Variants in PCSK6 observed in about 807,000 individuals in gnomAD.
PCSK6 encodes the protein paired basic amino acid cleaving enzyme 4.
Under a neutral mutation model 123.3 loss-of-function variants are expected in PCSK6, and 85 were observed. The observed-to-expected ratio is 0.69, with a 90% CI of 0.58 to 0.83. PCSK6 has a LOEUF of 0.83. PCSK6 is among the 40% of genes least tolerant of loss of function. The pLI is 0.00. For synonymous variants in PCSK6, 508 were observed against 516.0 expected, an observed-to-expected ratio of 0.98 and a Z score of 0.21; for missense variants, 1,191 against 1,282.3, an observed-to-expected ratio of 0.93 and a Z score of 1.09.
At chr15:101,454,384 G>A (rs1381523351) in intron 1 of PCSK6, among the ~76,000 whole-genome samples, 1 of 152,166 alleles carries the variant, frequency 6.6e-6, no homozygotes, top group Non-Finnish European at 1.5e-5. Flanking sequence ...GGTGTCTGTG[G>A]CTGGTTGAGT....
chr15:101,355,382 A>C (rs2041008246), intron 13 of PCSK6, among the ~76,000 whole-genome samples: 1 of 152,250 alleles, frequency 6.6e-6, no homozygotes, highest in South Asian at 2.1e-4. Flanking sequence ...TTGATGTCTC[A>C]CAATTCTCCC....
intron 13 of PCSK6, chr15:101,365,089 A>G: frequency 2.7e-6 from 2 of 737,488 alleles, no homozygotes; most frequent in South Asian, 2.9e-5. Context: ...TGCTGGAACA[A>G]ATGGGTACAA....
chr15:101,395,553 A>G (rs1372635376), intron 7 of PCSK6, among the ~76,000 whole-genome samples: 1 of 152,236 alleles, frequency 6.6e-6, no homozygotes, highest in African/African-American at 2.4e-5. Context: ...GGAAACAGCC[A>G]GGTCTGAGGA....
chr15:101,488,406 G>A (rs1345585724), intron 1 of PCSK6, among the ~76,000 whole-genome samples: 1 of 152,186 alleles, frequency 6.6e-6, no homozygotes, highest in South Asian at 2.1e-4. Flanking sequence ...AAAGGGACCC[G>A]CCGGGAGGTC....
intron 13 of PCSK6, among the ~76,000 whole-genome samples, chr15:101,357,064 GT>G (rs930322518): frequency 5.9e-5 from 9 of 152,204 alleles, no homozygotes; most frequent in Admixed American, 5.2e-4. Flanking sequence ...CATTGGAGCA[GT>G]TTTTTTCTTT....
At chr15:101,425,596 C>A (rs927139142) in intron 6 of PCSK6, among the ~76,000 whole-genome samples, 1 of 152,068 alleles carries the variant, frequency 6.6e-6, no homozygotes, top group African/African-American at 2.4e-5. Flanking sequence ...CGTTTCCATT[C>A]ACCATGACTG....
chr15:101,408,467 A>G (rs2042844174), intron 6 of PCSK6, among the ~76,000 whole-genome samples: 1 of 152,220 alleles, frequency 6.6e-6, no homozygotes, highest in African/African-American at 2.4e-5. Context: ...TGAGGAGGGC[A>G]TGGCCACCAG....
At chr15:101,482,560 C>A (rs1219999348) in intron 1 of PCSK6, among the ~76,000 whole-genome samples, 4 of 152,136 alleles carry the variant, frequency 2.6e-5, no homozygotes, top group Non-Finnish European at 5.9e-5. Flanking sequence ...CAGGACGTTC[C>A]CAGCCGGCAT....
rs1181257283 is a variant in PCSK6, at chr15:101,428,062, A to G, written c.735-82T>C. On this transcript the variant is annotated intron_variant, in intron 5 of 21. Transcript: ENST00000611716. ...AGTGCCTGGCTCAGTTCAATGCAAC[A>G]AGAGAGTCAGTTGTCCGAAGCCCAG... is the stretch of plus-strand genomic sequence containing the variant. The G allele has an allele frequency of 3.4e-5, 39 of 1,136,094 alleles. No homozygotes were observed. The East Asian group carries it at 9.4e-4, about 27-fold the overall frequency. 70.4% of individuals were successfully genotyped at this position (1,136,094 alleles called of 1,614,324 possible).
At chr15:101,407,038 G>A (rs757744156) in intron 6 of PCSK6, among the ~76,000 whole-genome samples, 2 of 152,086 alleles carry the variant, frequency 1.3e-5, no homozygotes, top group South Asian at 4.2e-4. Flanking sequence ...ACACAGGTGC[G>A]CAGCTCTCTC....
intron 6 of PCSK6, among the ~76,000 whole-genome samples, chr15:101,401,419 A>G (rs1020853923): frequency 7.2e-5 from 11 of 152,220 alleles, no homozygotes; most frequent in Non-Finnish European, 1.5e-4. Flanking sequence ...AGGACGGCCC[A>G]GGGTAGCCAC....
chr15:101,432,769 C>G (rs1191933291), intron 2 of PCSK6, among the ~76,000 whole-genome samples: 1 of 152,138 alleles, frequency 6.6e-6, no homozygotes, highest in Non-Finnish European at 1.5e-5. Context: ...AAAGGAAATA[C>G]ACACATGGGA....
At position 101,433,061 on chromosome 15, in the gene PCSK6, A is replaced by G. The variant is rs574743281; in HGVS notation, c.403-961T>C. Among the ~76,000 whole-genome samples, 8 of 152,344 alleles carry G rather than the reference A, an allele frequency of 5.3e-5. No homozygotes were observed. The East Asian group carries it at 1.5e-3, about 29-fold the overall frequency. ...TGATTTGTTTTCACGATCAAGGAAA[A>G]AAGTTCACAAGGCTGTATCACTGAT... On this transcript the variant is annotated intron_variant, in intron 2 of 21. Coordinates refer to ENST00000611716, the MANE Select transcript of PCSK6 (RefSeq NM_002570.5).
At chr15:101,425,633 C>CAT (rs3031749) in intron 6 of PCSK6, among the ~76,000 whole-genome samples, 93 of 151,402 alleles carry the variant, frequency 6.1e-4, no homozygotes, top group Middle Eastern at 3.4e-3. Context: ...TGTTTATATA[C>CAT]ATATATATAT....
chr15:101,417,142 A>G (rs1198086246), intron 6 of PCSK6, among the ~76,000 whole-genome samples: 1 of 152,218 alleles, frequency 6.6e-6, no homozygotes. Context: ...AAGTCTTATG[A>G]GATCTGATGG....
chr15:101,332,084 C>G, intron 13 of PCSK6, 53 bp from the exon 14 acceptor site: 1 of 1,500,670 alleles, frequency 6.7e-7, no homozygotes, highest in South Asian at 1.3e-5. Context: ...ACCTCTGTCA[C>G]TCACAGAAAT....
intron 4 of PCSK6, 72 bp from the exon 5 acceptor site, chr15:101,430,135 C>A: frequency 8.2e-7 from 1 of 1,212,282 alleles, no homozygotes; most frequent in South Asian, 1.2e-5. Context: ...ATTTTATGTT[C>A]CGTTGGCAAA....
chr15:101,430,694 G>A (rs947342836), intron 4 of PCSK6, among the ~76,000 whole-genome samples: 3 of 152,174 alleles, frequency 2.0e-5, no homozygotes, highest in Non-Finnish European at 4.4e-5. Context: ...GCTGCATAAC[G>A]ATCTGTCAGA....
chr15:101,379,510 G>C (rs775924938), intron 11 of PCSK6, among the ~76,000 whole-genome samples: 6 of 152,316 alleles, frequency 3.9e-5, no homozygotes, highest in Non-Finnish European at 8.8e-5. Flanking sequence ...GCACACGAGA[G>C]GGGTGTATAA....
Sources: allele counts gnomAD v4.1 joint callset (sites outside exome capture counted in the v4.1 genomes callset), GRCh38; gene constraint gnomAD v4.1.1; transcripts MANE v1.5; gene names NCBI Gene and HGNC (gene_info 2026-07-23, HGNC 2026-07-21).